EYS: variants seen among roughly 807,000 people sequenced by gnomAD.
EYS encodes protein eyes shut homolog.
In EYS, 250 loss-of-function variants were observed where a neutral mutation model predicts 282.1. The ratio of observed to expected loss-of-function variants is 0.89; its 90% CI spans 0.80 to 0.98. The LOEUF is 0.98. Ranked by LOEUF, EYS falls within the 50% of genes least tolerant of loss-of-function variation. The pLI is 0.00. For missense variants in EYS, 4,016 were observed against 3,709.0 expected, an observed-to-expected ratio of 1.08 and a Z score of -2.15; for synonymous variants, 1,355 against 1,282.9, an observed-to-expected ratio of 1.06 and a Z score of -1.20.
chr6:64,365,062 C>T (rs1279683843), intron 29 of EYS, among the ~76,000 whole-genome samples: 1 of 151,530 alleles, frequency 6.6e-6, no homozygotes, highest in African/African-American at 2.4e-5. Flanking sequence ...GAAAAGTAAA[C>T]ATGATGGTGA....
At chr6:63,940,757 A>G (rs1216712322) in intron 35 of EYS, among the ~76,000 whole-genome samples, 1 of 151,844 alleles carries the variant, frequency 6.6e-6, no homozygotes, top group Non-Finnish European at 1.5e-5. Flanking sequence ...ATATGTATAA[A>G]TGTGCCATGT....
chr6:64,501,175 T>C (rs987805766), intron 26 of EYS, among the ~76,000 whole-genome samples: 4 of 151,890 alleles, frequency 2.6e-5, no homozygotes, highest in Non-Finnish European at 4.4e-5. Flanking sequence ...AGTACCTTAT[T>C]TCCTAAGAAA....
At chr6:65,342,259 T>C (rs1227765303) in intron 10 of EYS, among the ~76,000 whole-genome samples, 2 of 151,082 alleles carry the variant, frequency 1.3e-5, no homozygotes, top group Non-Finnish European at 3.0e-5. Context: ...TTAAGAGAAA[T>C]ATTCTATAAT....
chr6:65,360,082 T>C (rs1243136203), intron 8 of EYS, among the ~76,000 whole-genome samples: 1 of 152,082 alleles, frequency 6.6e-6, no homozygotes, highest in East Asian at 1.9e-4. Context: ...GAACTATTAT[T>C]GTTAAAAATT....
intron 1 of EYS, among the ~76,000 whole-genome samples, chr6:65,688,390 C>G (rs1769110586): frequency 6.6e-6 from 1 of 152,106 alleles, no homozygotes; most frequent in East Asian, 1.9e-4. Context: ...ATGTAGAAAG[C>G]TGAAACTGGA....
chr6:64,576,209 T>C (rs566295467), intron 26 of EYS, among the ~76,000 whole-genome samples: 1 of 152,194 alleles, frequency 6.6e-6, no homozygotes, highest in East Asian at 1.9e-4. Flanking sequence ...TAGTAAGTGA[T>C]CTGAGAACAG....
intron 8 of EYS, among the ~76,000 whole-genome samples, chr6:65,366,839 C>G (rs1000178338): frequency 1.3e-5 from 2 of 151,442 alleles, no homozygotes; most frequent in Admixed American, 1.3e-4. Context: ...CTATTGGTAG[C>G]CTATATTATT....
chr6:65,461,815 C>T (rs185447999), intron 5 of EYS, among the ~76,000 whole-genome samples: 1 of 152,190 alleles, frequency 6.6e-6, no homozygotes, highest in Admixed American at 6.6e-5. Context: ...TGCCAAGTAA[C>T]AGGGACTCTC....
intron 26 of EYS, among the ~76,000 whole-genome samples, chr6:64,495,780 T>C (rs1231577366): frequency 1.3e-5 from 2 of 151,912 alleles, no homozygotes; most frequent in African/African-American, 4.8e-5. Context: ...CACTAATGAT[T>C]CTCTAGTTTT....
Position 64,131,012 on chromosome 6 carries a change from C to T in EYS, c.6425-49010G>A, listed in dbSNP as rs11962407. ...CCTCCTGAGTAGCTGGGATTATAGG[C>T]GTGTGCCACCATGCCCGGCTAATTT... On this transcript the variant is annotated intron_variant, in intron 31 of 42. Coordinates refer to ENST00000503581, the MANE Select transcript of EYS (RefSeq NM_001142800.2). Among the ~76,000 whole-genome samples, 1,117 of 152,164 alleles carry T rather than the reference C, an allele frequency of 7.3e-3. 6 individuals are homozygous for T. Among genetic ancestry groups the T allele is most frequent in the African/African-American group, 0.026 (1,061 of 41,478 alleles).
intron 29 of EYS, among the ~76,000 whole-genome samples, chr6:64,365,844 G>T (rs1414599043): frequency 1.3e-5 from 2 of 151,886 alleles, no homozygotes; most frequent in Non-Finnish European, 2.9e-5. Flanking sequence ...AATATATTTG[G>T]ACTGTGGTTG....
At chr6:64,391,597 G>A (rs374553947) in intron 28 of EYS, among the ~76,000 whole-genome samples, 4 of 152,000 alleles carry the variant, frequency 2.6e-5, no homozygotes, top group African/African-American at 4.8e-5. Flanking sequence ...TCACCACCAG[G>A]CCTGCCCTAA....
At position 65,516,285 on chromosome 6, in the gene EYS, A is replaced by G. The variant is rs148446868; in HGVS notation, c.-332-20292T>C. Among the ~76,000 whole-genome samples the G allele has an allele frequency of 4.6e-4, 70 of 152,236 alleles. 1 individual carries two copies. In the East Asian group the frequency reaches 0.014, roughly 29 times the overall value. On this transcript the variant is annotated intron_variant, in intron 2 of 42. Transcript: ENST00000503581. ...TTGCATGTTCTATATGTGAAAGCCA[A>G]TATTTCTCATGGAAATCTGTCTAAT...
At chr6:64,190,290 C>A (rs1765063189) in intron 31 of EYS, among the ~76,000 whole-genome samples, 1 of 152,154 alleles carries the variant, frequency 6.6e-6, no homozygotes. Flanking sequence ...TAAGTAAGTA[C>A]ATTTTTGGAT....
At chr6:65,183,906 A>G (rs965214709) in intron 12 of EYS, among the ~76,000 whole-genome samples, 17 of 152,008 alleles carry the variant, frequency 1.1e-4, no homozygotes, top group Non-Finnish European at 2.2e-4. Flanking sequence ...CCAAACAAAC[A>G]TTTTAAGCTG....
chr6:63,982,798 A>G (rs775503577), intron 35 of EYS, among the ~76,000 whole-genome samples: 6 of 151,764 alleles, frequency 4.0e-5, no homozygotes, highest in Non-Finnish European at 8.8e-5. Flanking sequence ...TGTTCACCAC[A>G]TATAGGGAGG....
chr6:64,798,969 A>G (rs1774449791), intron 22 of EYS, among the ~76,000 whole-genome samples: 1 of 151,818 alleles, frequency 6.6e-6, no homozygotes, highest in African/African-American at 2.4e-5. Flanking sequence ...CACCTTGATC[A>G]TTGCAGTACT....
chr6:64,439,176 T>C lies in EYS; in HGVS notation c.5821A>G (p.Asn1941Asp). 1 of 1,459,282 alleles carries C rather than the reference T, an allele frequency of 6.9e-7. No homozygotes were observed. Among genetic ancestry groups the C allele is most frequent in the Non-Finnish European group, 9.1e-7 (1 of 1,101,610 alleles). The allele number at this position is 1,459,282 out of a possible 1,614,324, so 90.4% of individuals were successfully genotyped here. Residue 1941 changes from asparagine (N) to aspartate (D), a missense_variant, in exon 27 of 43, where the codon AAT becomes GAT. Coordinates refer to ENST00000503581, the MANE Select transcript of EYS (RefSeq NM_001142800.2). ...GAATAACTTACCTTTAAAGTACCAT[T>C]TTCAATAAACAATTGAATAAAAAAT... ...DGFFIQLFIE[N>D]GTLKYHFYCP...
At chr6:64,026,984 A>T (rs1020649375) in intron 33 of EYS, among the ~76,000 whole-genome samples, 6 of 152,220 alleles carry the variant, frequency 3.9e-5, no homozygotes, top group African/African-American at 1.4e-4. Context: ...ACTTAGAGAG[A>T]TGTCACGCTA....
Sources: allele counts gnomAD v4.1 joint callset (sites outside exome capture counted in the v4.1 genomes callset), GRCh38; gene constraint gnomAD v4.1.1; transcripts MANE v1.5; gene names NCBI Gene and HGNC (gene_info 2026-07-23, HGNC 2026-07-21).